Variants in FGD6 observed in about 807,000 individuals in gnomAD.
The protein encoded by FGD6 is FYVE, RhoGEF and PH domain containing 6, also known as FYVE, RhoGEF and PH domain-containing protein 6.
FGD6 carries 90 observed loss-of-function variants against 149.4 expected under a neutral mutation model. That is an observed-to-expected ratio of 0.60 (90% CI 0.51 to 0.72). The LOEUF (loss-of-function observed/expected upper bound fraction) is 0.72, where lower values mean the gene tolerates loss of function less well. Among genes scored for constraint, FGD6 ranks in the 30% least tolerant of loss-of-function variants. The probability of loss-of-function intolerance (pLI) is 0.00; values close to 1 mark genes in which losing one functional copy is unlikely to be tolerated. For synonymous variants in FGD6, 527 were observed against 584.0 expected (o/e 0.90, Z 1.41); for missense variants, 1,437 against 1,684.8 (o/e 0.85, Z 2.57).
Position 95,210,397 on chromosome 12 carries a change from T to C in FGD6, c.887A>G (p.Lys296Arg), listed in dbSNP as rs772715264. 6.2e-7 allele frequency: 1 copy of C among 1,613,864 alleles called. No homozygotes were observed. The highest frequency in any genetic ancestry group is 8.5e-7 in the Non-Finnish European group (1 of 1,179,962). Residue 296 changes from lysine to arginine, a missense_variant, in exon 2 of 21, where the codon AAA (lysine) becomes AGA (arginine). Around this residue, in one of 2 missense-constraint regions of FGD6, gnomAD observed 1,055 missense variants for 1,146.0 expected, o/e 0.92. Transcript: ENST00000343958. Reference sequence around the variant, plus strand: ...ATGAATTTCTAAGGGACCAAGGTCTTTGACTTCTGATTTCTTACTAACTCC... The same window carrying C: ...ATGAATTTCTAAGGGACCAAGGTCTCTGACTTCTGATTTCTTACTAACTCC... ...SDGVSKKSEVKDLGPLEIHLV... is the reference protein window; with the variant it reads ...SDGVSKKSEVRDLGPLEIHLV...
At chr12:95,212,772 C>T (rs1217277028) in intron 1 of FGD6, among the ~76,000 whole-genome samples, 6 of 151,978 alleles carry the variant, frequency 3.9e-5, no homozygotes, top group African/African-American at 1.2e-4. Flanking sequence ...AAATTAGTCA[C>T]GACACTTGGG....
chr12:95,113,740 C>A (rs751621262), intron 8 of FGD6, 39 bp from the exon 9 acceptor site: 2 of 1,314,252 alleles, frequency 1.5e-6, no homozygotes, highest in Non-Finnish European at 1.1e-6. Context: ...GTACAATAAA[C>A]CAGTGAGCCC....
rs760523045 is a variant in FGD6 at position 95,141,505 on chromosome 12, T to C, written c.2720A>G (p.Gln907Arg). ...GTCCTCAATCACTGGTTTCCCAAGT[T>C]GCCTGGAAGCATGAGCTACTGCATC... ...FRDAVAHASR[Q>R]LGKPVIEDRI... is the part of the protein sequence containing the mutation. The change falls in exon 6 of 21, where the codon CAA (glutamine) becomes CGA (arginine). Residue 907 changes from glutamine to arginine, a missense_variant. Gln to Arg is a conservative substitution (Grantham distance 43). Around this residue, in one of 2 missense-constraint regions of FGD6, gnomAD observed 1,055 missense variants for 1,146.0 expected, o/e 0.92. Coordinates refer to ENST00000343958, the MANE Select transcript of FGD6 (RefSeq NM_018351.4). 6.2e-7 allele frequency: 1 copy of C among 1,614,162 alleles called. No individual in the cohort carries two copies. Among genetic ancestry groups the C allele is most frequent in the South Asian group, 1.1e-5 (1 of 91,084 alleles).
At chr12:95,088,098 C>T (rs1448258058) in intron 18 of FGD6, among the ~76,000 whole-genome samples, 2 of 152,144 alleles carry the variant, frequency 1.3e-5, no homozygotes, top group Non-Finnish European at 2.9e-5. Flanking sequence ...TTAGTAGCCA[C>T]ACAAGAAGAT....
chr12:95,165,108 A>T (rs1057502556), intron 3 of FGD6, among the ~76,000 whole-genome samples: 1 of 152,202 alleles, frequency 6.6e-6, no homozygotes, highest in Non-Finnish European at 1.5e-5. Context: ...AAAAATTTAG[A>T]AAAGGGAACA....
At chr12:95,120,347 ATTTTTTT>A (rs869204268) in intron 8 of FGD6, among the ~76,000 whole-genome samples, 1 of 150,368 alleles carries the variant, frequency 6.7e-6, no homozygotes, top group African/African-American at 2.4e-5. Flanking sequence ...TTTATTTTTT[ATTTTTTT>A]TGCTTCATGA....
chr12:95,112,121 C>T (rs911653721), intron 9 of FGD6, among the ~76,000 whole-genome samples: 1 of 151,872 alleles, frequency 6.6e-6, no homozygotes, highest in Non-Finnish European at 1.5e-5. Context: ...GTAATCCCAA[C>T]TACTTGGAGG....
chr12:95,100,136 T>C (rs4762172), intron 14 of FGD6, among the ~76,000 whole-genome samples: 18,895 of 148,852 alleles, frequency 0.13, 1,364 homozygotes, highest in African/African-American at 0.19. Flanking sequence ...CTTTATAACA[T>C]TGAATACTCC....
At chr12:95,174,598 G>A (rs910707004) in intron 2 of FGD6, among the ~76,000 whole-genome samples, 5 of 152,158 alleles carry the variant, frequency 3.3e-5, no homozygotes, top group East Asian at 1.9e-4. Context: ...AATAGATTCA[G>A]ATAGTTAGTA....
At chr12:95,152,712 T>C (rs1880345777) in intron 5 of FGD6, 99 bp downstream of exon 5, 1 of 1,041,124 alleles carries the variant, frequency 9.6e-7, no homozygotes. Flanking sequence ...TTTTAGAAAA[T>C]GTCTATCATT....
chr12:95,101,343 A>G (rs1338994840), intron 14 of FGD6, among the ~76,000 whole-genome samples: 2 of 152,152 alleles, frequency 1.3e-5, no homozygotes, highest in Non-Finnish European at 2.9e-5. Flanking sequence ...ACTCTGTCAC[A>G]AAAAAGAAAA....
At chr12:95,145,953 C>A (rs1249235925) in intron 5 of FGD6, among the ~76,000 whole-genome samples, 1 of 152,182 alleles carries the variant, frequency 6.6e-6, no homozygotes, top group Non-Finnish European at 1.5e-5. Flanking sequence ...GGATTATAGG[C>A]ACGAGCCACT....
intron 3 of FGD6, among the ~76,000 whole-genome samples, chr12:95,157,407 G>A (rs1199478926): frequency 6.6e-6 from 1 of 151,678 alleles, no homozygotes; most frequent in African/African-American, 2.4e-5. Flanking sequence ...TCTCTACTAA[G>A]AGTACCAAAT....
chr12:95,122,819 T>A (rs1232548810), intron 8 of FGD6, among the ~76,000 whole-genome samples: 2 of 151,136 alleles, frequency 1.3e-5, no homozygotes, highest in Non-Finnish European at 3.0e-5. Flanking sequence ...CAGTGGCTCA[T>A]GCCTGTAATC....
rs201726809 is a variant in FGD6 at position 95,210,906 on chromosome 12, C to A, written c.378G>T (p.Leu126Phe). 4 of 1,613,802 alleles carry A rather than the reference C, an allele frequency of 2.5e-6. No individual in the cohort carries two copies. Among genetic ancestry groups the A allele is most frequent in the East Asian group, 2.2e-5 (1 of 44,888 alleles). ...GCTCTAAAACAAGCTGCTTTACACA[C>A]AAATTCTCTCTATGGCCCAGCTTAT... ...CIHKLGHREN[L>F]CVKQLVLEPL... Residue 126 changes from leucine to phenylalanine, a missense_variant, in exon 2 of 21, where the codon TTG becomes TTT. Coordinates refer to ENST00000343958, the MANE Select transcript of FGD6 (RefSeq NM_018351.4).
intron 8 of FGD6, chr12:95,126,137 A>G: frequency 2.9e-6 from 3 of 1,035,710 alleles, no homozygotes; most frequent in Non-Finnish European, 4.6e-6. Flanking sequence ...TCAAGAATGA[A>G]GTTAACAAGC....
chr12:95,194,848 C>T (rs1004107700), intron 2 of FGD6, among the ~76,000 whole-genome samples: 30 of 152,286 alleles, frequency 2.0e-4, no homozygotes, highest in African/African-American at 5.3e-4. Context: ...CTAGCTGAAG[C>T]AGACTAGTTT....
At chr12:95,166,142 G>A (rs1348703647) in intron 3 of FGD6, among the ~76,000 whole-genome samples, 1 of 151,880 alleles carries the variant, frequency 6.6e-6, no homozygotes, top group Non-Finnish European at 1.5e-5. Flanking sequence ...TGCCCAGCCT[G>A]GTCTCAAGCT....
intron 2 of FGD6, among the ~76,000 whole-genome samples, chr12:95,173,924 A>ATGTG (rs1466101095): frequency 1.3e-5 from 2 of 152,176 alleles, no homozygotes; most frequent in African/African-American, 2.4e-5. Flanking sequence ...CTGATTACAC[A>ATGTG]TGGTAGGATA....
Sources: allele counts gnomAD v4.1 joint callset (sites outside exome capture counted in the v4.1 genomes callset), GRCh38; gene constraint gnomAD v4.1.1; regional missense constraint gnomAD v4.1.1; transcripts MANE v1.5; gene names NCBI Gene and HGNC (gene_info 2026-07-23, HGNC 2026-07-21).